Variants in TMEM74B observed in about 807,000 individuals in gnomAD.
TMEM74B encodes transmembrane protein 74B, also known as transmembrane protein C20orf46.
Under a neutral mutation model 6.5 loss-of-function variants are expected in TMEM74B, and 7 were observed. The ratio of observed to expected loss-of-function variants is 1.07; its 90% confidence interval spans 0.61 to 2.01. The LOEUF is 2.01. TMEM74B is among the 30% of genes most tolerant of loss of function. The probability of loss-of-function intolerance (pLI) is 0.00; values close to 1 mark genes in which losing one functional copy is unlikely to be tolerated. For missense variants in TMEM74B, 342 were observed against 337.0 expected, an observed-to-expected ratio of 1.01 and a Z score of -0.12; for synonymous variants, 151 against 151.6, an observed-to-expected ratio of 1.00 and a Z score of 0.03.
upstream of TMEM74B, among the ~76,000 whole-genome samples, chr20:1,187,662 A>G (rs2087037462): frequency 6.6e-6 from 1 of 152,212 alleles, no homozygotes; most frequent in Non-Finnish European, 1.5e-5. Context: ...AACCAGATAA[A>G]GAGGGGAGGA....
Position 1,181,582 on chromosome 20 carries a change from T to C in TMEM74B, c.37A>G (p.Lys13Glu). The part of the protein sequence containing the change: ...PAQGYEFAAA[K>E]GPRDELGPSF... The stretch of plus-strand genomic sequence containing the variant: ...GGCCCCAGCTCATCCCTTGGCCCCT[T>C]GGCAGCTGGAAGAGAAAAAAGAAAG... The change falls in exon 3 of 3, where the codon AAG becomes GAG. Residue 13 changes from lysine to glutamate, a missense_variant. By Grantham distance (56) the Lys-to-Glu change is moderately conservative. Coordinates refer to ENST00000429036, the MANE Select transcript of TMEM74B (RefSeq NM_001304748.2). The surrounding 1 kb of genome is among the most constrained non-coding windows in gnomAD (Gnocchi z 4.9). 6.9e-7 allele frequency: 1 copy of C among 1,450,114 alleles called. No homozygotes were observed. The highest frequency in any genetic ancestry group is 9.0e-7 in the Non-Finnish European group (1 of 1,106,960). The allele number at this position is 1,450,114 out of a possible 1,614,324, so 89.8% of individuals were successfully genotyped here.
rs936995660 is a variant in TMEM74B, at chr20:1,181,606, A to G, written c.32-19T>C. On this transcript the variant is annotated intron_variant, in intron 2 of 2. Transcript: ENST00000429036. The surrounding 1 kb of genome is among the most constrained non-coding windows in gnomAD (Gnocchi z 4.9). ...TTGGCAGCTGGAAGAGAAAAAAGAA[A>G]GTCAGTTGAATGTAGCAACCTCTCC... 1 of 1,453,362 alleles carries G rather than the reference A, an allele frequency of 6.9e-7. No homozygotes were observed. Among genetic ancestry groups the G allele is most frequent in the Middle Eastern group, 1.8e-4 (1 of 5,458 alleles). 90.0% of individuals were successfully genotyped at this position (1,453,362 alleles called of 1,614,324 possible). A position where few individuals can be genotyped will look rare whatever the true frequency, so the allele number is the denominator to read the frequency against.
In TMEM74B at chr20:1,181,711, G is replaced by T; in HGVS notation, c.32-124C>A. 1 of 1,095,800 alleles carries T rather than the reference G, an allele frequency of 9.1e-7. No homozygotes were observed. The highest frequency in any genetic ancestry group is 1.2e-6 in the Non-Finnish European group (1 of 830,594). 67.9% of individuals were successfully genotyped at this position (1,095,800 alleles called of 1,614,324 possible). A position where few individuals can be genotyped will look rare whatever the true frequency, so the allele number is the denominator to read the frequency against. On this transcript the variant is annotated intron_variant, in intron 2 of 2. Transcript: ENST00000429036. The surrounding 1 kb of genome is among the most constrained non-coding windows in gnomAD (Gnocchi z 4.9). ...AATTCCCACTTGGGGGTGTCTGCCA[G>T]ACAGAGGGGAAGACAGGGAATAAGA... is the stretch of plus-strand genomic sequence containing the variant.
chr20:1,183,153 G>A (rs2122674631), intron 2 of TMEM74B, among the ~76,000 whole-genome samples: 1 of 152,352 alleles, frequency 6.6e-6, no homozygotes, highest in South Asian at 2.1e-4. Context: ...AGGCGCACAA[G>A]CCATGGGCTA....
intron 2 of TMEM74B, among the ~76,000 whole-genome samples, chr20:1,182,805 T>C (rs901052635): frequency 3.3e-5 from 5 of 152,240 alleles, no homozygotes; most frequent in African/African-American, 1.2e-4. Flanking sequence ...ATTTGGCTGA[T>C]AGAAGTTTTG....
chr20:1,183,731 T>C (rs774089428), intron 2 of TMEM74B, 40 bp downstream of exon 2: 12 of 1,612,346 alleles, frequency 7.4e-6, no homozygotes, highest in Non-Finnish European at 1.0e-5. Context: ...AGGACAGGAG[T>C]TGAATGCAGA....
chr20:1,186,181 CTT>C (rs1438182916), upstream of TMEM74B: 1 of 152,354 alleles, frequency 6.6e-6, no homozygotes, highest in Admixed American at 6.5e-5. Flanking sequence ...ACTGTTTGCT[CTT>C]GTCTCTGACG....
chr20:1,185,593 G>C (rs1037136441), upstream of TMEM74B, among the ~76,000 whole-genome samples: 2 of 151,980 alleles, frequency 1.3e-5, no homozygotes, highest in African/African-American at 4.8e-5. Context: ...GCTGGGGCGA[G>C]GGTGCGGGGG....
At position 1,184,925 on chromosome 20, in the gene TMEM74B, G is replaced by A. The variant is rs896521937; in HGVS notation, c.-771C>T. ...GCTGCCCACCGCGCCCGCTCCCGCC[G>A]GCCCAGTCCACACCCCCTGCTCCTG... On this transcript the variant is annotated 5_prime_UTR_variant, in exon 1 of 3. Coordinates refer to ENST00000429036, the MANE Select transcript of TMEM74B (RefSeq NM_001304748.2). This position sits in a 1 kb window ranked among gnomAD's most constrained non-coding sequence, Gnocchi z 6.0. Among the ~76,000 whole-genome samples, 3 of 152,136 alleles carry A rather than the reference G, an allele frequency of 2.0e-5. No homozygotes were observed. The highest frequency in any genetic ancestry group is 1.9e-4 in the East Asian group (1 of 5,160).
rs748453431 is a variant in TMEM74B, at chr20:1,180,694, C to G, written c.*154G>C. ...CCCGTGTGGGGCATGGGCTGGGCCC[C>G]GAGCTCTCCCTCCAGCACCCAGTAC... is the stretch of plus-strand genomic sequence containing the variant. On this transcript the variant is annotated 3_prime_UTR_variant, in exon 3 of 3. Coordinates refer to ENST00000429036, the MANE Select transcript of TMEM74B (RefSeq NM_001304748.2). The surrounding 1 kb of genome is among the most constrained non-coding windows in gnomAD (Gnocchi z 6.1). 10 of 1,069,028 alleles carry G rather than the reference C, an allele frequency of 9.4e-6. No individual in the cohort carries two copies. The highest frequency in any genetic ancestry group is 1.6e-5 in the African/African-American group (1 of 62,064). 66.2% of individuals were successfully genotyped at this position (1,069,028 alleles called of 1,614,324 possible).
chr20:1,183,209 A>G (rs1487461229), intron 2 of TMEM74B, among the ~76,000 whole-genome samples: 2 of 152,214 alleles, frequency 1.3e-5, no homozygotes, highest in Non-Finnish European at 2.9e-5. Flanking sequence ...CGGTGTGTCT[A>G]CGCACACATA....
Position 1,181,399 on chromosome 20 carries a change from G to A in TMEM74B, c.220C>T (p.Gln74Ter), listed in dbSNP as rs1378211194. Residue 74 changes from glutamine to a stop codon, truncating the protein, a stop_gained, in exon 3 of 3, where the codon CAG (glutamine) becomes TAG (stop). Coordinates refer to ENST00000429036, the MANE Select transcript of TMEM74B (RefSeq NM_001304748.2). LOFTEE classifies it high-confidence loss of function. This position sits in a 1 kb window ranked among gnomAD's most constrained non-coding sequence, Gnocchi z 4.9. ...FSSEEHETHF[Q>*]NPGNTRLGSS... ...CCCAGTCTCGTGTTCCCAGGGTTCTGGAAATGGGTCTCATGCTCCTCTGAG... is the reference window on the plus strand; with the variant it reads ...CCCAGTCTCGTGTTCCCAGGGTTCTAGAAATGGGTCTCATGCTCCTCTGAG... 3 of 1,529,842 alleles carry A rather than the reference G, an allele frequency of 2.0e-6. No individual in the cohort carries two copies. The highest frequency in any genetic ancestry group is 2.6e-5 in the South Asian group (2 of 77,382). 94.8% of individuals were successfully genotyped at this position (1,529,842 alleles called of 1,614,324 possible). A position where few individuals can be genotyped will look rare whatever the true frequency, so the allele number is the denominator to read the frequency against.
intron 2 of TMEM74B, among the ~76,000 whole-genome samples, chr20:1,183,182 G>C (rs1197772797): frequency 6.6e-6 from 1 of 152,222 alleles, no homozygotes; most frequent in Non-Finnish European, 1.5e-5. Flanking sequence ...ACCAGGTGCA[G>C]AGTGGCTCAC....
At position 1,184,774 on chromosome 20, in the gene TMEM74B, G is replaced by A. The variant is rs905093286; in HGVS notation, c.-620C>T. ...GGGACGCACAGCGGCTGTGGGTGAA[G>A]CTTCACAAAACCCAGTCGATAGACA... On this transcript the variant is annotated 5_prime_UTR_variant, in exon 1 of 3. Transcript: ENST00000429036. The surrounding 1 kb of genome is among the most constrained non-coding windows in gnomAD (Gnocchi z 6.0). The A allele has an allele frequency of 1.3e-5, 2 of 152,348 alleles. No homozygotes were observed. Among genetic ancestry groups the A allele is most frequent in the Admixed American group, 6.5e-5 (1 of 15,286 alleles). 9.4% of individuals were successfully genotyped at this position (152,348 alleles called of 1,614,324 possible).
Position 1,183,882 on chromosome 20 carries a change from G to A in TMEM74B, c.-81C>T. On this transcript the variant is annotated 5_prime_UTR_variant, in exon 2 of 3. Transcript: ENST00000429036. ...TCCAGCTGTTTATCAGCAACCGTGA[G>A]CACCTTGAGAGCAGGCATAAGTTTG... The A allele has an allele frequency of 1.3e-6, 2 of 1,554,500 alleles. No individual in the cohort carries two copies. The highest frequency in any genetic ancestry group is 1.8e-6 in the Non-Finnish European group (2 of 1,133,940).
At chr20:1,183,303 TG>T (rs1187841449) in intron 2 of TMEM74B, among the ~76,000 whole-genome samples, 3 of 150,160 alleles carry the variant, frequency 2.0e-5, no homozygotes, top group Admixed American at 6.7e-5. Context: ...TGTGTGTGTG[TG>T]TGTGTGTGTG....
chr20:1,183,042 G>A (rs934502650), intron 2 of TMEM74B, among the ~76,000 whole-genome samples: 3 of 152,108 alleles, frequency 2.0e-5, no homozygotes, highest in African/African-American at 7.2e-5. Context: ...TCCCACCTCA[G>A]CCCCCTTCCC....
Position 1,184,169 on chromosome 20 carries a change from C to A in TMEM74B, c.-148+133G>T, listed in dbSNP as rs559648392. The A allele has an allele frequency of 1.1e-5, 2 of 181,608 alleles. No homozygotes were observed. Among genetic ancestry groups the A allele is most frequent in the East Asian group, 1.5e-4 (1 of 6,570 alleles). The allele number at this position is 181,608 out of a possible 1,614,324, so 11.2% of individuals were successfully genotyped here. The stretch of plus-strand genomic sequence containing the variant: ...CCTTTCCCAGACTGATATATTGATG[C>A]CTCCACACCCTGGAAGAAATCTGGA... On this transcript the variant is annotated intron_variant, in intron 1 of 2. Transcript: ENST00000429036. The surrounding 1 kb of genome is among the most constrained non-coding windows in gnomAD (Gnocchi z 6.0).
upstream of TMEM74B, among the ~76,000 whole-genome samples, chr20:1,188,094 C>G (rs1168315455): frequency 2.6e-5 from 4 of 151,682 alleles, no homozygotes; most frequent in Non-Finnish European, 5.9e-5. Context: ...CCAGAATGAA[C>G]TCATGTTTAG....
Sources: allele counts gnomAD v4.1 joint callset (sites outside exome capture counted in the v4.1 genomes callset), GRCh38; gene constraint gnomAD v4.1.1; non-coding constraint Gnocchi (gnomAD v3.1); transcripts MANE v1.5; gene names NCBI Gene and HGNC (gene_info 2026-07-23, HGNC 2026-07-21).